ACSF2: variants seen among roughly 807,000 people sequenced by gnomAD.
ACSF2 encodes acyl-CoA synthetase family member 2.
Under a neutral mutation model 79.3 loss-of-function variants are expected in ACSF2, and 52 were observed. That is an observed-to-expected ratio of 0.66 (90% confidence interval 0.53 to 0.83). ACSF2 has a LOEUF of 0.83. Ranked by LOEUF, ACSF2 falls within the 40% of genes least tolerant of loss-of-function variation. ACSF2 has a pLI of 0.00. For missense variants in ACSF2, 661 were observed against 803.3 expected (o/e 0.82, Z 2.14); for synonymous variants, 283 against 312.6 (o/e 0.91, Z 1.00).
At chr17:50,460,378 T>A in intron 1 of ACSF2, 1 of 480,400 alleles carries the variant, frequency 2.1e-6, no homozygotes, top group Non-Finnish European at 3.9e-6. Flanking sequence ...GATCTGTCTG[T>A]CTGCACAGGC....
intron 1 of ACSF2, among the ~76,000 whole-genome samples, chr17:50,429,753 A>G (rs1290909887): frequency 1.3e-5 from 2 of 152,140 alleles, no homozygotes; most frequent in Non-Finnish European, 2.9e-5. Flanking sequence ...CCTGAACTCA[A>G]GTAATCCACC....
chr17:50,459,435 G>T (rs568557921), intron 1 of ACSF2, among the ~76,000 whole-genome samples: 25 of 152,168 alleles, frequency 1.6e-4, no homozygotes, highest in African/African-American at 5.1e-4. Flanking sequence ...TAGAGACAGG[G>T]TTTCCCTATA....
intron 1 of ACSF2, among the ~76,000 whole-genome samples, chr17:50,445,488 C>T (rs372213740): frequency 6.6e-6 from 1 of 152,036 alleles, no homozygotes; most frequent in Non-Finnish European, 1.5e-5. Flanking sequence ...ATTACATTCC[C>T]GACGTGTCAT....
intron 1 of ACSF2, chr17:50,426,796 C>T (rs966504816): frequency 1.1e-5 from 13 of 1,191,900 alleles, no homozygotes; most frequent in East Asian, 1.0e-4. Context: ...CCAGTCTCCC[C>T]GACCCAGGCC....
At chr17:50,460,071 C>A in intron 1 of ACSF2, 1 of 366,306 alleles carries the variant, frequency 2.7e-6, no homozygotes, top group South Asian at 2.0e-5. Flanking sequence ...TCTGCAGGTG[C>A]CCAGGATCTT....
intron 10 of ACSF2, chr17:50,468,712 C>CTGCAGGT (rs2032920357): frequency 1.5e-5 from 24 of 1,612,502 alleles, no homozygotes; most frequent in Non-Finnish European, 2.0e-5. Flanking sequence ...AGATGACGTG[C>CTGCAGGT]TGCAGGTCGC....
chr17:50,464,153 T>A, intron 9 of ACSF2, 65 bp from the exon 10 acceptor site: 1 of 1,515,810 alleles, frequency 6.6e-7, no homozygotes, highest in Non-Finnish European at 9.2e-7. Context: ...GAATGAGCTG[T>A]AGGTGAAAGG....
chr17:50,453,432 T>G (rs1273518868), intron 1 of ACSF2, among the ~76,000 whole-genome samples: 1 of 152,044 alleles, frequency 6.6e-6, no homozygotes, highest in Non-Finnish European at 1.5e-5. Flanking sequence ...GGTCTCAAAC[T>G]CCTGACCTCA....
At chr17:50,431,065 T>C (rs1282915302) in intron 1 of ACSF2, among the ~76,000 whole-genome samples, 1 of 152,208 alleles carries the variant, frequency 6.6e-6, no homozygotes, top group African/African-American at 2.4e-5. Flanking sequence ...AGAAATAGAC[T>C]CTTCCCATAA....
intron 1 of ACSF2, among the ~76,000 whole-genome samples, chr17:50,439,345 G>T (rs749659746): frequency 6.6e-5 from 10 of 151,314 alleles, no homozygotes; most frequent in Non-Finnish European, 1.2e-4. Flanking sequence ...AAAGTGCTGG[G>T]ATCACAGGCA....
At position 50,449,636 on chromosome 17, in the gene ACSF2, C is replaced by T. The variant is rs558482688; in HGVS notation, c.129-11041C>T. 2.0e-5 allele frequency among the ~76,000 whole-genome samples: 3 copies of T among 150,458 alleles called. No individual in the cohort carries two copies. The South Asian group carries it at 6.4e-4, about 32-fold the overall frequency. On this transcript the variant is annotated intron_variant, in intron 1 of 15. Transcript: ENST00000300441. ...TCACTGTGTTAGCCAGGATGGTCTCCATCTCCTGACCTCATGATCCACCCG... is the reference window on the plus strand; with the variant it reads ...TCACTGTGTTAGCCAGGATGGTCTCTATCTCCTGACCTCATGATCCACCCG...
chr17:50,446,202 A>G (rs924655634), intron 1 of ACSF2, among the ~76,000 whole-genome samples: 1 of 152,100 alleles, frequency 6.6e-6, no homozygotes, highest in Non-Finnish European at 1.5e-5. Flanking sequence ...ATGTTGCTAA[A>G]TTTAGTTTAT....
intron 1 of ACSF2, among the ~76,000 whole-genome samples, chr17:50,454,385 A>AAAAAAG (rs1968076285): frequency 6.6e-6 from 1 of 152,016 alleles, no homozygotes; most frequent in Non-Finnish European, 1.5e-5. Context: ...TCAAAAGCAA[A>AAAAAAG]AAAAAGAAAA....
intron 1 of ACSF2, among the ~76,000 whole-genome samples, chr17:50,451,420 ATGCT>A (rs1367293822): frequency 6.6e-6 from 1 of 152,176 alleles, no homozygotes; most frequent in Non-Finnish European, 1.5e-5. Context: ...GTGTCCTCAC[ATGCT>A]TGCCAACACT....
rs776485126 is a variant in ACSF2, at chr17:50,427,009, A to G, written c.128+620A>G. Reference sequence around the variant, plus strand: ...GTAAAGCTGCCTTCCCGGTGTGACCAGTCCTTGGGAGGACCCCGTGAGATG... The same window carrying G: ...GTAAAGCTGCCTTCCCGGTGTGACCGGTCCTTGGGAGGACCCCGTGAGATG... On this transcript the variant is annotated intron_variant, in intron 1 of 15. Coordinates refer to ENST00000300441, the MANE Select transcript of ACSF2 (RefSeq NM_025149.6). 2.6e-6 allele frequency: 4 copies of G among 1,533,938 alleles called. No individual in the cohort carries two copies. In the South Asian group the frequency reaches 4.8e-5, roughly 18 times the overall value.
intron 1 of ACSF2, among the ~76,000 whole-genome samples, chr17:50,442,107 C>T (rs913614184): frequency 6.6e-6 from 1 of 152,074 alleles, no homozygotes; most frequent in African/African-American, 2.4e-5. Context: ...AAGTTCAAGA[C>T]CAGCCTGGCC....
intron 10 of ACSF2, chr17:50,465,645 AG>A: frequency 6.3e-7 from 1 of 1,584,210 alleles, no homozygotes; most frequent in Non-Finnish European, 8.7e-7. Context: ...GTCTTAGTGC[AG>A]GGCTAATGTG....
Position 50,474,119 on chromosome 17 carries a change from A to G in ACSF2, c.1729-80A>G. Reference sequence around the variant, plus strand: ...CCCTTGACGAAGCTGACTCCTGGCCAGGCCAGCCCCTGGTCCCCTACCCAT... The same window carrying G: ...CCCTTGACGAAGCTGACTCCTGGCCGGGCCAGCCCCTGGTCCCCTACCCAT... On this transcript the variant is annotated intron_variant, in intron 14 of 15. Coordinates refer to ENST00000300441, the MANE Select transcript of ACSF2 (RefSeq NM_025149.6). The surrounding 1 kb of genome is among the most constrained non-coding windows in gnomAD (Gnocchi z 4.2). 1 of 1,598,762 alleles carries G rather than the reference A, an allele frequency of 6.3e-7. No homozygotes were observed. Among genetic ancestry groups the G allele is most frequent in the South Asian group, 1.1e-5 (1 of 90,256 alleles).
In ACSF2 at chr17:50,474,366, C is replaced by A; in HGVS notation, c.1797+99C>A. The A allele has an allele frequency of 2.0e-6, 3 of 1,525,464 alleles. No individual in the cohort carries two copies. Among genetic ancestry groups the A allele is most frequent in the South Asian group, 1.1e-5 (1 of 88,828 alleles). The allele number at this position is 1,525,464 out of a possible 1,614,324, so 94.5% of individuals were successfully genotyped here. On this transcript the variant is annotated intron_variant, in intron 15 of 15. Coordinates refer to ENST00000300441, the MANE Select transcript of ACSF2 (RefSeq NM_025149.6). This position sits in a 1 kb window ranked among gnomAD's most constrained non-coding sequence, Gnocchi z 4.2. ...TCAGCAATGGGTGTGGAGAGACTGG[C>A]AGTAGGGTGACCGGGTCACCTAATC...
Sources: gnomAD v4.1 joint callset for allele counts (sites outside exome capture counted in the v4.1 genomes callset) on GRCh38, gnomAD v4.1.1 for gene constraint, Gnocchi (gnomAD v3.1) non-coding constraint, MANE v1.5 for transcripts, NCBI Gene and HGNC (gene_info 2026-07-23, HGNC 2026-07-21) for gene names.